BMP1: variants seen among roughly 807,000 people sequenced by gnomAD.
BMP1 encodes the protein mammalian tolloid protein.
BMP1 carries 63 observed loss-of-function variants against 116.8 expected under a neutral mutation model. The ratio of observed to expected loss-of-function variants is 0.54; its 90% confidence interval spans 0.44 to 0.67. The LOEUF (loss-of-function observed/expected upper bound fraction) is 0.67. Among genes scored for constraint, BMP1 ranks in the 30% least tolerant of loss-of-function variants. BMP1 has a pLI of 0.00. For synonymous variants in BMP1, 536 were observed against 533.4 expected, an observed-to-expected ratio of 1.00 and a Z score of -0.07; for missense variants, 1,183 against 1,358.9, an observed-to-expected ratio of 0.87 and a Z score of 2.04.
chr8:22,209,716 C>A (rs755431350), intron 19 of BMP1, 21 bp downstream of exon 19: 1 of 1,609,260 alleles, frequency 6.2e-7, no homozygotes. Context: ...CACCCCTCGC[C>A]CTCCTGGCCC....
intron 16 of BMP1, among the ~76,000 whole-genome samples, chr8:22,204,181 A>C (rs1829311347): frequency 6.6e-6 from 1 of 152,158 alleles, no homozygotes; most frequent in Non-Finnish European, 1.5e-5. Context: ...GGAAGGCCAG[A>C]GCGCAAAGAG....
At chr8:22,204,125 G>C (rs1829310422) in intron 16 of BMP1, among the ~76,000 whole-genome samples, 1 of 152,222 alleles carries the variant, frequency 6.6e-6, no homozygotes. Context: ...GGAGATTGCA[G>C]CCTAGCTGGG....
intron 16 of BMP1, among the ~76,000 whole-genome samples, chr8:22,206,403 A>G (rs1586473543): frequency 6.6e-6 from 1 of 152,050 alleles, no homozygotes; most frequent in Middle Eastern, 3.4e-3. Context: ...TGAGGAGGCT[A>G]AGGCAGGAGA....
In BMP1 at chr8:22,177,970, A is replaced by T; in HGVS notation, c.836+13A>T. The stretch of plus-strand genomic sequence containing the variant: ...ACACATTCTCCAGGTGGGAGACGGG[A>T]TTGGGGCTGGGCCTCTGCTCGGGCA... On this transcript the variant is annotated intron_variant, in intron 6 of 19. Coordinates refer to ENST00000306385, the MANE Select transcript of BMP1 (RefSeq NM_006129.5). The T allele has an allele frequency of 6.3e-7, 1 of 1,594,660 alleles. No individual in the cohort carries two copies. Among genetic ancestry groups the T allele is most frequent in the African/African-American group, 1.3e-5 (1 of 74,632 alleles).
rs372004887 is a variant in BMP1, at chr8:22,207,437, C to T, written c.2496C>T (p.Ala832=). 1.2e-6 allele frequency: 2 copies of T among 1,614,024 alleles called. No homozygotes were observed. Among genetic ancestry groups the T allele is most frequent in the Non-Finnish European group, 8.5e-7 (1 of 1,180,042 alleles). ...CGSKKPEPVL[A]TGSRMFLRFY... Reference sequence around the variant, plus strand: ...GCAAGAAGCCCGAGCCCGTCCTGGCCACAGGCAGCCGCATGTTCCTGCGCT... The same window carrying T: ...GCAAGAAGCCCGAGCCCGTCCTGGCTACAGGCAGCCGCATGTTCCTGCGCT... The change falls in exon 18 of 20, where the codon GCC becomes GCT. Residue 832 remains alanine, a synonymous_variant. Coordinates refer to ENST00000306385, the MANE Select transcript of BMP1 (RefSeq NM_006129.5).
At chr8:22,182,509 C>T (rs1000209734) in intron 8 of BMP1, among the ~76,000 whole-genome samples, 7 of 152,218 alleles carry the variant, frequency 4.6e-5, no homozygotes, top group Admixed American at 2.6e-4. Flanking sequence ...ATCTTTCTGT[C>T]GTTGGCCCAG....
chr8:22,188,177 G>GTTTTTTTTTTTTTTTTT (rs759296888), intron 8 of BMP1, among the ~76,000 whole-genome samples: 1 of 124,604 alleles, frequency 8.0e-6, no homozygotes, highest in African/African-American at 3.3e-5. Flanking sequence ...CCAGTTTTGG[G>GTTTTTTTTTTTTTTTTT]TTTTTTTTTT....
chr8:22,210,460 T>TCACA (rs1352263590), intron 19 of BMP1, among the ~76,000 whole-genome samples: 8 of 113,292 alleles, frequency 7.1e-5, no homozygotes, highest in African/African-American at 4.6e-4. Context: ...TCTCTCTCTC[T>TCACA]CTCTCTCTCA....
chr8:22,188,237 T>A (rs886603573), intron 8 of BMP1, among the ~76,000 whole-genome samples: 3 of 149,214 alleles, frequency 2.0e-5, no homozygotes, highest in African/African-American at 7.5e-5. Flanking sequence ...GGTGTGATCA[T>A]GGCTTATTCC....
At chr8:22,201,369 C>T (rs1181923179) in intron 15 of BMP1, 16 of 1,472,978 alleles carry the variant, frequency 1.1e-5, no homozygotes, top group African/African-American at 1.4e-5. Context: ...TGTGCCCGTC[C>T]GCGGACCGGG....
At position 22,210,815 on chromosome 8, in the gene BMP1, G is replaced by A. The variant is rs141016161; in HGVS notation, c.2827-779G>A. Among the ~76,000 whole-genome samples the A allele has an allele frequency of 7.1e-4, 108 of 152,338 alleles. 4 individuals carry two copies. The South Asian group carries it at 0.016, about 23-fold the overall frequency. On this transcript the variant is annotated intron_variant, in intron 19 of 19. Transcript: ENST00000306385. ...CACACCAAATCGGATGTCCCCAGGT[G>A]TCTTCTTCCAGAGACCTCCCCCAGG...
At chr8:22,210,952 G>A (rs972837009) in intron 19 of BMP1, among the ~76,000 whole-genome samples, 19 of 152,244 alleles carry the variant, frequency 1.2e-4, no homozygotes, top group South Asian at 6.2e-4. Context: ...AGGCCAGGGC[G>A]TTGACGTCCG....
intron 1 of BMP1, chr8:22,171,520 T>A (rs1368277180): frequency 6.6e-6 from 1 of 152,262 alleles, no homozygotes; most frequent in East Asian, 1.9e-4. Context: ...TTTGTGTATG[T>A]TGGAGCTTGT....
chr8:22,178,049 A>G, intron 6 of BMP1, 92 bp downstream of exon 6: 2 of 1,100,884 alleles, frequency 1.8e-6, no homozygotes, highest in Non-Finnish European at 2.6e-6. Context: ...CTTCTGGGGC[A>G]GTGACCCAGG....
At chr8:22,178,966 C>T (rs1027166925) in intron 6 of BMP1, among the ~76,000 whole-genome samples, 1 of 152,132 alleles carries the variant, frequency 6.6e-6, no homozygotes, top group African/African-American at 2.4e-5. Context: ...GGTCATTCTG[C>T]CCCCCACACC....
At chr8:22,165,589 C>T in intron 1 of BMP1, 36 bp downstream of exon 1, 1 of 1,509,718 alleles carries the variant, frequency 6.6e-7, no homozygotes, top group Non-Finnish European at 8.8e-7. Context: ...ACGGGCCAGG[C>T]GGGGAGGCGC....
intron 9 of BMP1, 60 bp downstream of exon 9, chr8:22,192,211 A>G: frequency 1.4e-6 from 2 of 1,445,150 alleles, no homozygotes; most frequent in Non-Finnish European, 1.9e-6. Context: ...AGCCACCCTC[A>G]TCACACTCTT....
chr8:22,194,716 AC>A lies in BMP1; in HGVS notation c.1444-4del. ...AGCCCCTTCCACTGATGAAGCCTCG[AC>A]CCCTAGATTGAGCGCCACGACAGCT... On this transcript the variant is annotated splice_polypyrimidine_tract_variant and splice_region_variant and intron_variant, in intron 11 of 19. Transcript: ENST00000306385. This position sits in a 1 kb window ranked among gnomAD's most constrained non-coding sequence, Gnocchi z 4.5. 1.3e-6 allele frequency: 2 copies of A among 1,595,760 alleles called. No individual in the cohort carries two copies. The highest frequency in any genetic ancestry group is 1.1e-5 in the South Asian group (1 of 88,954).
intron 14 of BMP1, 72 bp downstream of exon 14, chr8:22,196,912 C>T: frequency 6.6e-7 from 1 of 1,515,918 alleles, no homozygotes; most frequent in Non-Finnish European, 8.9e-7. Context: ...GTGCCTGCTT[C>T]CTGTCCTCTG....
Sources: gnomAD v4.1 joint callset for allele counts (sites outside exome capture counted in the v4.1 genomes callset) on GRCh38, gnomAD v4.1.1 for gene constraint, Gnocchi (gnomAD v3.1) non-coding constraint, MANE v1.5 for transcripts, NCBI Gene and HGNC (gene_info 2026-07-23, HGNC 2026-07-21) for gene names.